SPATA22: variants seen among roughly 807,000 people sequenced by gnomAD.
The protein encoded by SPATA22 is spermatogenesis-associated protein 22.
A neutral mutation model predicts 47.8 loss-of-function variants in SPATA22; 29 were observed. That is an observed-to-expected ratio of 0.61 (90% CI 0.45 to 0.83). SPATA22 has a LOEUF of 0.83. SPATA22 is among the 40% of genes least tolerant of loss of function. The pLI, the probability that SPATA22 is intolerant of heterozygous loss-of-function variation, is 0.00. For missense variants in SPATA22, 410 were observed against 421.7 expected, an observed-to-expected ratio of 0.97 and a Z score of 0.24; for synonymous variants, 133 against 140.9, an observed-to-expected ratio of 0.94 and a Z score of 0.40.
At chr17:3,453,120 C>T (rs2072902477) in intron 5 of SPATA22, among the ~76,000 whole-genome samples, 1 of 152,072 alleles carries the variant, frequency 6.6e-6, no homozygotes, top group Admixed American at 6.6e-5. Context: ...TGCAAAAATC[C>T]TCAATAAATA....
At chr17:3,482,399 A>C (rs547187478) in intron 1 of SPATA22, among the ~76,000 whole-genome samples, 6 of 152,180 alleles carry the variant, frequency 3.9e-5, no homozygotes, top group African/African-American at 1.4e-4. Flanking sequence ...TTTGCTAGAA[A>C]ATAGCAACCA....
At chr17:3,493,066 C>T (rs185455068) in intron 1 of SPATA22, among the ~76,000 whole-genome samples, 28 of 152,318 alleles carry the variant, frequency 1.8e-4, no homozygotes, top group African/African-American at 6.0e-4. Flanking sequence ...GACCATAACA[C>T]GCTGTGGGCC....
chr17:3,486,040 C>A (rs2073715192), intron 1 of SPATA22, among the ~76,000 whole-genome samples: 1 of 151,226 alleles, frequency 6.6e-6, no homozygotes, highest in Non-Finnish European at 1.5e-5. Context: ...TTAAGCAATT[C>A]TCCTGCCTCA....
At chr17:3,498,838 T>G in intron 1 of SPATA22, 1 of 1,411,814 alleles carries the variant, frequency 7.1e-7, no homozygotes, top group Non-Finnish European at 9.3e-7. Flanking sequence ...GACATAAATT[T>G]TTAGAGGAGA....
chr17:3,483,655 T>G, intron 1 of SPATA22: 1 of 1,438,698 alleles, frequency 7.0e-7, no homozygotes, highest in Non-Finnish European at 9.8e-7. Flanking sequence ...CTCAGAGAAA[T>G]TTATTTTTTA....
chr17:3,481,654 A>C (rs1305744939), intron 1 of SPATA22: 2 of 1,613,916 alleles, frequency 1.2e-6, no homozygotes, highest in African/African-American at 1.3e-5. Context: ...CTCAAGAAAT[A>C]AATCATTTAT....
chr17:3,446,192 T>A (rs2072721954), intron 7 of SPATA22, among the ~76,000 whole-genome samples: 1 of 152,108 alleles, frequency 6.6e-6, no homozygotes, highest in African/African-American at 2.4e-5. Context: ...CTTAATTACA[T>A]CTGCAAAGTC....
intron 1 of SPATA22, among the ~76,000 whole-genome samples, chr17:3,504,685 G>A (rs1437697078): frequency 6.6e-6 from 1 of 151,942 alleles, no homozygotes; most frequent in Non-Finnish European, 1.5e-5. Context: ...AGCCTGTTGA[G>A]TAGCTGGGAT....
At chr17:3,464,459 A>G (rs2073223402) in intron 3 of SPATA22, among the ~76,000 whole-genome samples, 1 of 139,800 alleles carries the variant, frequency 7.2e-6, no homozygotes, top group South Asian at 2.3e-4. Flanking sequence ...GGATGTGAGG[A>G]GCCCCTCTGC....
At chr17:3,474,492 G>C (rs1301022723), upstream of SPATA22, among the ~76,000 whole-genome samples, 1 of 152,158 alleles carries the variant, frequency 6.6e-6, no homozygotes, top group East Asian at 1.9e-4. Context: ...ACTGTCATCT[G>C]TTTACTTTTA....
At chr17:3,473,155 G>A (rs1361256628), upstream of SPATA22, among the ~76,000 whole-genome samples, 1 of 147,196 alleles carries the variant, frequency 6.8e-6, no homozygotes, top group Non-Finnish European at 1.5e-5. Context: ...CTTCTGTAGG[G>A]ACTGCAGACA....
At chr17:3,480,945 CTG>C (rs918818973) in intron 1 of SPATA22, among the ~76,000 whole-genome samples, 3 of 151,822 alleles carry the variant, frequency 2.0e-5, no homozygotes, top group Non-Finnish European at 4.4e-5. Context: ...CAGAGCAAGA[CTG>C]TATCTCCACA....
intron 1 of SPATA22, chr17:3,481,916 T>C: frequency 5.1e-6 from 5 of 978,750 alleles, no homozygotes; most frequent in Non-Finnish European, 7.6e-6. Context: ...ATGGGGTTTA[T>C]TCCATAGCCA....
intron 1 of SPATA22, among the ~76,000 whole-genome samples, chr17:3,483,846 G>A (rs1020747673): frequency 3.3e-5 from 5 of 151,766 alleles, no homozygotes; most frequent in Admixed American, 6.6e-5. Context: ...TAGTACAGAC[G>A]GAGTTTCACC....
At chr17:3,476,146 A>C, upstream of SPATA22, 1 of 1,608,894 alleles carries the variant, frequency 6.2e-7, no homozygotes, top group Non-Finnish European at 8.5e-7. Flanking sequence ...ATCAGATAAA[A>C]ACTACTTGGT....
intron 1 of SPATA22, among the ~76,000 whole-genome samples, chr17:3,493,180 TC>T (rs1306103075): frequency 6.6e-6 from 1 of 152,126 alleles, no homozygotes; most frequent in Non-Finnish European, 1.5e-5. Flanking sequence ...GGTTGCTGCA[TC>T]TTTGGAAGTT....
chr17:3,467,113 A>G (rs1296270448), intron 3 of SPATA22, among the ~76,000 whole-genome samples: 2 of 152,140 alleles, frequency 1.3e-5, no homozygotes. Context: ...TTTACCACCA[A>G]ATGTATAGGC....
At chr17:3,501,337 A>G (rs1282652303) in intron 1 of SPATA22, 3 of 152,240 alleles carry the variant, frequency 2.0e-5, no homozygotes, top group African/African-American at 7.2e-5. Context: ...CAACATTAAC[A>G]GGAGTTTGGA....
At chr17:3,468,060 T>G (rs1270308517) in intron 2 of SPATA22, 2 of 152,250 alleles carry the variant, frequency 1.3e-5, no homozygotes, top group East Asian at 3.8e-4. Flanking sequence ...CTCATAGATT[T>G]TATTTCAACA....
Sources: allele counts gnomAD v4.1 joint callset (sites outside exome capture counted in the v4.1 genomes callset), GRCh38; gene constraint gnomAD v4.1.1; transcripts MANE v1.5; gene names NCBI Gene and HGNC (gene_info 2026-07-23, HGNC 2026-07-21).